CCDC150: variants seen among roughly 807,000 people sequenced by gnomAD.
CCDC150 encodes coiled-coil domain-containing protein 150.
Under a neutral mutation model 156.5 loss-of-function variants are expected in CCDC150, and 151 were observed. The ratio of observed to expected loss-of-function variants is 0.97; its 90% CI spans 0.85 to 1.10. The LOEUF (loss-of-function observed/expected upper bound fraction) is 1.10. Ranked by LOEUF, CCDC150 falls within the 50% of genes least tolerant of loss-of-function variation. CCDC150 has a pLI of 0.00. For synonymous variants in CCDC150, 452 were observed against 429.4 expected (o/e 1.05, Z -0.65); for missense variants, 1,312 against 1,268.1 (o/e 1.03, Z -0.53).
At chr2:196,685,533 G>A (rs907048849) in intron 13 of CCDC150, among the ~76,000 whole-genome samples, 1 of 151,964 alleles carries the variant, frequency 6.6e-6, no homozygotes, top group African/African-American at 2.4e-5. Flanking sequence ...ATTTATCTGG[G>A]AATGTCTTAA....
At chr2:196,701,085 T>G (rs1335002819) in intron 14 of CCDC150, 24 bp from the exon 15 acceptor site, 3 of 1,554,950 alleles carry the variant, frequency 1.9e-6, no homozygotes, top group Non-Finnish European at 2.6e-6. Flanking sequence ...CTAGAGGTTC[T>G]GATGCCTTTG....
chr2:196,705,297 A>T (rs1696538191), intron 15 of CCDC150, among the ~76,000 whole-genome samples: 1 of 152,152 alleles, frequency 6.6e-6, no homozygotes, highest in Non-Finnish European at 1.5e-5. Flanking sequence ...CATTTCTCTG[A>T]TGGCCAGTGA....
chr2:196,645,602 C>T (rs577974834), intron 1 of CCDC150, among the ~76,000 whole-genome samples: 5 of 152,218 alleles, frequency 3.3e-5, no homozygotes, highest in Non-Finnish European at 5.9e-5. Context: ...GTTGTGACCA[C>T]ATATAAGCTA....
chr2:196,687,643 T>G (rs1033689995), intron 13 of CCDC150, among the ~76,000 whole-genome samples: 1 of 152,242 alleles, frequency 6.6e-6, no homozygotes, highest in Non-Finnish European at 1.5e-5. Context: ...TTGCGATTGC[T>G]TTTGACGTCT....
intron 17 of CCDC150, chr2:196,713,495 C>T (rs1038991466): frequency 3.4e-5 from 53 of 1,550,546 alleles, no homozygotes; most frequent in Middle Eastern, 1.7e-4. Flanking sequence ...CTCTACACGC[C>T]GTGTGAGCTT....
chr2:196,721,369 T>TGTGTATATATATACATATACATA (rs1559276170), intron 20 of CCDC150, among the ~76,000 whole-genome samples, 153 bp from the exon 21 acceptor site: 1 of 141,714 alleles, frequency 7.1e-6, no homozygotes, highest in African/African-American at 2.5e-5. Context: ...TATATATATA[T>TGTGTATATATATACATATACATA]TTTCCAGGCA....
chr2:196,656,018 C>T (rs143349330), intron 2 of CCDC150, among the ~76,000 whole-genome samples: 1 of 152,100 alleles, frequency 6.6e-6, no homozygotes, highest in African/African-American at 2.4e-5. Flanking sequence ...ATTGGCAACC[C>T]CTTCCAGGCA....
At chr2:196,720,439 A>G (rs1246626040) in intron 19 of CCDC150, 136 bp from the exon 20 acceptor site, 1 of 644,640 alleles carries the variant, frequency 1.6e-6, no homozygotes, top group Non-Finnish European at 2.7e-6. Context: ...ATTTTGTACT[A>G]GTGATATTTA....
chr2:196,680,225 T>A (rs558988039), intron 13 of CCDC150, among the ~76,000 whole-genome samples: 1 of 152,184 alleles, frequency 6.6e-6, no homozygotes, highest in Non-Finnish European at 1.5e-5. Flanking sequence ...AGAAGTCTTA[T>A]AGTTTTAGGT....
intron 14 of CCDC150, among the ~76,000 whole-genome samples, chr2:196,696,643 C>T (rs1256109755): frequency 6.6e-6 from 1 of 152,296 alleles, no homozygotes; most frequent in East Asian, 1.9e-4. Flanking sequence ...AGCTCTGTCT[C>T]CACCCAGAAG....
chr2:196,651,418 T>C (rs1692866432), intron 2 of CCDC150, among the ~76,000 whole-genome samples: 1 of 152,224 alleles, frequency 6.6e-6, no homozygotes, highest in African/African-American at 2.4e-5. Context: ...TAGTATCCTT[T>C]ACCTTCAGCT....
At chr2:196,651,204 T>A (rs1051940420) in intron 2 of CCDC150, among the ~76,000 whole-genome samples, 10 of 152,236 alleles carry the variant, frequency 6.6e-5, no homozygotes, top group African/African-American at 2.4e-4. Context: ...TTTATGTTCT[T>A]AATGTGATAA....
Position 196,695,102 on chromosome 2 carries a change from C to T in CCDC150, c.1566C>T (p.His522=). The change falls in exon 14 of 28, where the codon CAC becomes CAT. Residue 522 remains histidine (H), a synonymous_variant. Coordinates refer to ENST00000389175, the MANE Select transcript of CCDC150 (RefSeq NM_001080539.2). ...AGACTCTTGAAGAAGAGAATAAGCA[C>T]CTGGCAGATCAAATGGCTTCCCTAG... The part of the protein sequence containing the change: ...NLQTLEEENK[H]LADQMASLEL... 6.2e-7 allele frequency: 1 copy of T among 1,613,094 alleles called. No individual in the cohort carries two copies. The highest frequency in any genetic ancestry group is 2.2e-5 in the East Asian group (1 of 44,842).
chr2:196,701,233 A>G, intron 15 of CCDC150, 53 bp downstream of exon 15: 1 of 1,147,438 alleles, frequency 8.7e-7, no homozygotes, highest in Non-Finnish European at 1.3e-6. Flanking sequence ...AATACCAATT[A>G]TCAAATTAAA....
intron 13 of CCDC150, among the ~76,000 whole-genome samples, chr2:196,679,385 T>C (rs554450501): frequency 3.9e-5 from 6 of 152,306 alleles, no homozygotes; most frequent in African/African-American, 1.4e-4. Context: ...TTATAAATTA[T>C]CCAGAGTGTC....
chr2:196,708,778 C>T (rs1696871923), intron 15 of CCDC150, among the ~76,000 whole-genome samples: 1 of 152,150 alleles, frequency 6.6e-6, no homozygotes, highest in African/African-American at 2.4e-5. Flanking sequence ...CTTAATTTAG[C>T]TGGATATTAA....
At chr2:196,689,653 A>G (rs1313089395) in intron 13 of CCDC150, among the ~76,000 whole-genome samples, 43 of 151,700 alleles carry the variant, frequency 2.8e-4, no homozygotes, top group Middle Eastern at 3.4e-3. Flanking sequence ...GGGCTGAGAC[A>G]ACGGGGTTTT....
At chr2:196,694,949 C>T (rs1191385340) in intron 13 of CCDC150, 97 bp from the exon 14 acceptor site, 37 of 639,320 alleles carry the variant, frequency 5.8e-5, no homozygotes, top group South Asian at 4.4e-4. Context: ...ATGGACAATA[C>T]TGTCCATTTT....
At chr2:196,640,184 G>A (rs1692128265) in intron 1 of CCDC150, among the ~76,000 whole-genome samples, 4 of 152,164 alleles carry the variant, frequency 2.6e-5, no homozygotes, top group Admixed American at 6.5e-5. Flanking sequence ...TGTTCTTTAC[G>A]GTTTCCGCAG....
Sources: gnomAD v4.1 joint callset for allele counts (sites outside exome capture counted in the v4.1 genomes callset) on GRCh38, gnomAD v4.1.1 for gene constraint, MANE v1.5 for transcripts, NCBI Gene and HGNC (gene_info 2026-07-23, HGNC 2026-07-21) for gene names.